CACNA2D3: variants seen among roughly 807,000 people sequenced by gnomAD.
CACNA2D3 encodes the protein calcium voltage-gated channel auxiliary subunit alpha2delta 3.
In CACNA2D3, 60 loss-of-function variants were observed where a neutral mutation model predicts 160.6. The ratio of observed to expected loss-of-function variants is 0.37; its 90% CI spans 0.30 to 0.46. The LOEUF is 0.46. Ranked by LOEUF, CACNA2D3 falls within the 20% of genes least tolerant of loss-of-function variation. The pLI is 1.00. For synonymous variants in CACNA2D3, 558 were observed against 492.9 expected, an observed-to-expected ratio of 1.13 and a Z score of -1.75; for missense variants, 1,205 against 1,365.0, an observed-to-expected ratio of 0.88 and a Z score of 1.85.
chr3:54,688,367 T>G (rs1700508490), intron 11 of CACNA2D3, among the ~76,000 whole-genome samples: 1 of 152,118 alleles, frequency 6.6e-6, no homozygotes, highest in Admixed American at 6.5e-5. Context: ...ATTTGTTACC[T>G]TTTTCACTTT....
intron 2 of CACNA2D3, among the ~76,000 whole-genome samples, chr3:54,290,821 A>G (rs1406864668): frequency 6.6e-6 from 1 of 152,056 alleles, no homozygotes; most frequent in South Asian, 2.1e-4. Flanking sequence ...AAAAAACCAA[A>G]CACCGCATGT....
rs893985858 is a variant in CACNA2D3, at chr3:54,955,727, G to A, written c.2450-12723G>A. Reference sequence around the variant, plus strand: ...CTCTCCCCTGAGGCCTCTGTCTACCGAGGGGGCTTTTTTGGGTATTGGCCC... The same window carrying A: ...CTCTCCCCTGAGGCCTCTGTCTACCAAGGGGGCTTTTTTGGGTATTGGCCC... On this transcript the variant is annotated intron_variant, in intron 27 of 37. Transcript: ENST00000474759. Among the ~76,000 whole-genome samples, 8 of 152,206 alleles carry A rather than the reference G, an allele frequency of 5.3e-5. No individual in the cohort carries two copies. In the East Asian group the frequency reaches 9.7e-4, roughly 18 times the overall value.
intron 9 of CACNA2D3, among the ~76,000 whole-genome samples, chr3:54,606,808 C>T (rs1483052185): frequency 1.3e-5 from 2 of 152,114 alleles, no homozygotes; most frequent in African/African-American, 4.8e-5. Context: ...TTCACCCCCT[C>T]TCTAATCCCT....
At chr3:54,929,563 C>T (rs1375831448) in intron 27 of CACNA2D3, among the ~76,000 whole-genome samples, 1 of 152,198 alleles carries the variant, frequency 6.6e-6, no homozygotes, top group Non-Finnish European at 1.5e-5. Flanking sequence ...CCACATAACC[C>T]AGTATATTCA....
chr3:54,934,509 T>A (rs1701281614), intron 27 of CACNA2D3, among the ~76,000 whole-genome samples: 1 of 152,204 alleles, frequency 6.6e-6, no homozygotes, highest in South Asian at 2.1e-4. Flanking sequence ...GAACTCCCTT[T>A]AGCAGGCCTT....
At chr3:54,248,740 C>G (rs1702129588) in intron 2 of CACNA2D3, among the ~76,000 whole-genome samples, 1 of 152,074 alleles carries the variant, frequency 6.6e-6, no homozygotes, top group African/African-American at 2.4e-5. Context: ...TTTAAGACCC[C>G]CAGTCTGTGG....
intron 10 of CACNA2D3, chr3:54,633,600 A>G (rs1298542234): frequency 6.6e-6 from 1 of 151,992 alleles, no homozygotes; most frequent in Non-Finnish European, 1.5e-5. Flanking sequence ...AAGAGGAGGG[A>G]CCAGGCTCCT....
chr3:54,441,906 T>G (rs1304496366), intron 4 of CACNA2D3, among the ~76,000 whole-genome samples: 1 of 152,192 alleles, frequency 6.6e-6, no homozygotes, highest in Non-Finnish European at 1.5e-5. Flanking sequence ...ATGCATTGTT[T>G]TATACTGGCT....
intron 3 of CACNA2D3, among the ~76,000 whole-genome samples, chr3:54,371,526 TG>T (rs1412110123): frequency 1.3e-5 from 2 of 152,252 alleles, no homozygotes; most frequent in African/African-American, 4.8e-5. Context: ...AAATTATATA[TG>T]ATTTTAGTAA....
At chr3:54,504,636 T>C (rs962920170) in intron 5 of CACNA2D3, among the ~76,000 whole-genome samples, 7 of 152,168 alleles carry the variant, frequency 4.6e-5, no homozygotes, top group Non-Finnish European at 8.8e-5. Context: ...CATGGAATCT[T>C]CAAAGTAAAA....
chr3:54,580,814 G>A (rs1274398617), intron 8 of CACNA2D3, among the ~76,000 whole-genome samples: 1 of 152,220 alleles, frequency 6.6e-6, no homozygotes, highest in Non-Finnish European at 1.5e-5. Flanking sequence ...CCCAGAGGAG[G>A]TGGGAGTAAT....
intron 17 of CACNA2D3, among the ~76,000 whole-genome samples, chr3:54,853,689 A>G (rs1165534249): frequency 6.6e-6 from 1 of 152,192 alleles, no homozygotes; most frequent in Non-Finnish European, 1.5e-5. Flanking sequence ...GGGCTCACAG[A>G]CAAAGTCTCT....
At chr3:54,757,614 CAG>C (rs920346587) in intron 12 of CACNA2D3, among the ~76,000 whole-genome samples, 3 of 152,182 alleles carry the variant, frequency 2.0e-5, no homozygotes, top group African/African-American at 7.2e-5. Context: ...TCCTTAGAAT[CAG>C]AGATTTTGAG....
chr3:54,628,048 C>T lies in CACNA2D3; in HGVS notation c.1053+172C>T, dbSNP rs183204806. ...GAGATCCAGACCATCCTGGCTAACA[C>T]GGTGAAACCCCATCTCTACTAAAAA... On this transcript the variant is annotated intron_variant, in intron 10 of 37. Transcript: ENST00000474759. Among the ~76,000 whole-genome samples the T allele has an allele frequency of 2.5e-3, 376 of 152,086 alleles. 3 individuals carry two copies. Among genetic ancestry groups the T allele is most frequent in the African/African-American group, 8.7e-3 (360 of 41,500 alleles).
intron 29 of CACNA2D3, among the ~76,000 whole-genome samples, chr3:54,977,797 A>G (rs539713143): frequency 6.6e-6 from 1 of 152,330 alleles, no homozygotes; most frequent in East Asian, 1.9e-4. Flanking sequence ...CTCATACAAG[A>G]AAGAATTCAT....
intron 4 of CACNA2D3, among the ~76,000 whole-genome samples, chr3:54,434,097 T>C (rs1011234247): frequency 6.6e-6 from 1 of 152,140 alleles, no homozygotes; most frequent in Non-Finnish European, 1.5e-5. Flanking sequence ...ATTTCCTCCT[T>C]GGTGGAAGTA....
chr3:54,552,348 C>G (rs1298708127), intron 5 of CACNA2D3, among the ~76,000 whole-genome samples: 12 of 152,168 alleles, frequency 7.9e-5, no homozygotes. Flanking sequence ...CTAGGTGTCA[C>G]CTAATTATTT....
At chr3:54,812,245 T>C (rs1396851564) in intron 13 of CACNA2D3, among the ~76,000 whole-genome samples, 1 of 152,234 alleles carries the variant, frequency 6.6e-6, no homozygotes, top group Non-Finnish European at 1.5e-5. Flanking sequence ...TAGAGTCATT[T>C]AGCTAAGCTT....
At chr3:54,463,600 C>T (rs1030582940) in intron 4 of CACNA2D3, among the ~76,000 whole-genome samples, 3 of 152,160 alleles carry the variant, frequency 2.0e-5, no homozygotes, top group Admixed American at 6.5e-5. Context: ...TCACAGTTCT[C>T]GAGCCTTGGC....
Sources: gnomAD v4.1 joint callset for allele counts (sites outside exome capture counted in the v4.1 genomes callset) on GRCh38, gnomAD v4.1.1 for gene constraint, MANE v1.5 for transcripts, NCBI Gene and HGNC (gene_info 2026-07-23, HGNC 2026-07-21) for gene names.